ABHD12: variants seen among roughly 807,000 people sequenced by gnomAD.
ABHD12 encodes the protein lysophosphatidylserine lipase ABHD12.
Under a neutral mutation model 58.3 loss-of-function variants are expected in ABHD12, and 43 were observed. That is an observed-to-expected ratio of 0.74 (90% CI 0.58 to 0.95). The LOEUF (loss-of-function observed/expected upper bound fraction) is 0.95. ABHD12 is among the 40% of genes least tolerant of loss of function. The pLI, the probability that ABHD12 is intolerant of heterozygous loss-of-function variation, is 0.00. For missense variants in ABHD12, 539 were observed against 537.2 expected (o/e 1.00, Z -0.03); for synonymous variants, 219 against 211.2 (o/e 1.04, Z -0.32).
downstream of ABHD12, chr20:25,297,283 A>AAAAG (rs1491199954): frequency 2.0e-5 from 3 of 152,274 alleles, no homozygotes; most frequent in African/African-American, 7.2e-5. Flanking sequence ...TTGCTTATTC[A>AAAAG]AAAGAGAAAA....
intron 1 of ABHD12, chr20:25,368,208 G>A (rs1002048036): frequency 1.6e-6 from 2 of 1,242,880 alleles, no homozygotes; most frequent in East Asian, 2.3e-5. Context: ...AAATGGGGTG[G>A]AGGGGTGCTC....
chr20:25,346,255 T>A (rs568803679), intron 1 of ABHD12, among the ~76,000 whole-genome samples: 1 of 152,190 alleles, frequency 6.6e-6, no homozygotes, highest in South Asian at 2.1e-4. Context: ...TCCAACTATA[T>A]GACATTCTGT....
In ABHD12 at chr20:25,390,627, G is replaced by A; in HGVS notation, c.77C>T (p.Ala26Val). The change falls in exon 1 of 13, where the codon GCC (alanine) becomes GTC (valine). Residue 26 changes from alanine (A) to valine (V), a missense_variant. Physicochemically the swap from Ala to Val is moderately conservative, Grantham distance 64 (BLOSUM62 0). Transcript: ENST00000339157. ...AAAGSSSSGS[A>V]AAALDADCRL... ...GCAGTCGGCGTCCAGCGCCGCGGCG[G>A]CCGAGCCGGAGGAGGACGAGCCCGC... 6.9e-7 allele frequency: 1 copy of A among 1,458,980 alleles called. No individual in the cohort carries two copies. The highest frequency in any genetic ancestry group is 2.5e-5 in the Admixed American group (1 of 40,664). 90.4% of individuals were successfully genotyped at this position (1,458,980 alleles called of 1,614,324 possible). A position where few individuals can be genotyped will look rare whatever the true frequency, so the allele number is the denominator to read the frequency against.
At chr20:25,383,924 C>T (rs1260359790) in intron 1 of ABHD12, among the ~76,000 whole-genome samples, 1 of 136,068 alleles carries the variant, frequency 7.3e-6, no homozygotes, top group Non-Finnish European at 1.5e-5. Flanking sequence ...CACTGCCCTC[C>T]AGCCTGGGCA....
chr20:25,390,788 C>T lies in ABHD12; in HGVS notation c.-85G>A. On this transcript the variant is annotated 5_prime_UTR_variant, in exon 1 of 13. Coordinates refer to ENST00000339157, the MANE Select transcript of ABHD12 (RefSeq NM_001042472.3). Reference sequence around the variant, plus strand: ...GCTCACAGCCGCCGCCACCCAGAGCCCGGAGCCCGGAACCCGCCGCTCCTC... The same window carrying T: ...GCTCACAGCCGCCGCCACCCAGAGCTCGGAGCCCGGAACCCGCCGCTCCTC... 4.2e-6 allele frequency: 4 copies of T among 951,264 alleles called. No homozygotes were observed. The highest frequency in any genetic ancestry group is 4.4e-5 in the South Asian group (1 of 22,934). 58.9% of individuals were successfully genotyped at this position (951,264 alleles called of 1,614,324 possible). A position where few individuals can be genotyped will look rare whatever the true frequency, so the allele number is the denominator to read the frequency against.
At chr20:25,317,382 A>T (rs754084234) in intron 4 of ABHD12, among the ~76,000 whole-genome samples, 9 of 152,218 alleles carry the variant, frequency 5.9e-5, no homozygotes, top group Non-Finnish European at 1.2e-4. Context: ...ACCACACCCC[A>T]GACCCTCCCA....
intron 2 of ABHD12, among the ~76,000 whole-genome samples, chr20:25,329,093 G>C (rs907219005): frequency 6.6e-6 from 1 of 152,214 alleles, no homozygotes; most frequent in African/African-American, 2.4e-5. Flanking sequence ...AGGACCCTCT[G>C]GCCTCCCACG....
intron 1 of ABHD12, among the ~76,000 whole-genome samples, chr20:25,367,586 C>A (rs926686088): frequency 6.6e-6 from 1 of 152,220 alleles, no homozygotes; most frequent in African/African-American, 2.4e-5. Flanking sequence ...CTCCATCCCC[C>A]AGCCCATGGC....
chr20:25,378,932 G>A (rs528557520), intron 1 of ABHD12, among the ~76,000 whole-genome samples: 2 of 152,258 alleles, frequency 1.3e-5, no homozygotes, highest in Admixed American at 6.5e-5. Flanking sequence ...CTTATCACAA[G>A]TGAATGAGGC....
At chr20:25,338,427 G>A in intron 2 of ABHD12, among the ~76,000 whole-genome samples, 1 of 152,208 alleles carries the variant, frequency 6.6e-6, no homozygotes. Flanking sequence ...CCCACCGTGT[G>A]CGAGCCCCGT....
intron 1 of ABHD12, among the ~76,000 whole-genome samples, chr20:25,375,939 G>A (rs1008076817): frequency 6.6e-6 from 1 of 152,034 alleles, no homozygotes; most frequent in Admixed American, 6.6e-5. Flanking sequence ...TGGCTAACAC[G>A]GTGAAACCCC....
Position 25,323,388 on chromosome 20 carries a change from T to C in ABHD12, c.359A>G (p.Gln120Arg). Residue 120 changes from glutamine (Q) to arginine (R), a missense_variant, in exon 3 of 13, where the codon CAA becomes CGA. By Grantham distance (43) the Gln-to-Arg change is conservative. Coordinates refer to ENST00000339157, the MANE Select transcript of ABHD12 (RefSeq NM_001042472.3). ...YFIDLKKPQD[Q>R]GLNHTCNYYL... The stretch of plus-strand genomic sequence containing the variant: ...GTAGTTACACGTGTGATTCAAACCT[T>C]GATCCTGTGGTTTTTTCAAATCAAT... 6.2e-7 allele frequency: 1 copy of C among 1,614,070 alleles called. No homozygotes were observed. The highest frequency in any genetic ancestry group is 1.6e-4 in the Middle Eastern group (1 of 6,062).
At chr20:25,376,992 G>A (rs2089969837) in intron 1 of ABHD12, among the ~76,000 whole-genome samples, 1 of 152,200 alleles carries the variant, frequency 6.6e-6, no homozygotes, top group Admixed American at 6.5e-5. Flanking sequence ...GCCCCTCAGA[G>A]GCCGCCCTTC....
At chr20:25,363,725 C>T (rs2089783401) in intron 1 of ABHD12, among the ~76,000 whole-genome samples, 1 of 151,902 alleles carries the variant, frequency 6.6e-6, no homozygotes, top group Non-Finnish European at 1.5e-5. Context: ...ATTAGCTGGG[C>T]ATGGTGGCAC....
chr20:25,356,514 G>A (rs889080457), intron 1 of ABHD12, among the ~76,000 whole-genome samples: 4 of 152,230 alleles, frequency 2.6e-5, no homozygotes, highest in Non-Finnish European at 4.4e-5. Context: ...AGCTGGGCAG[G>A]GAGTGTGGCA....
chr20:25,325,260 G>C (rs1209683043), intron 2 of ABHD12, among the ~76,000 whole-genome samples: 3 of 150,398 alleles, frequency 2.0e-5, no homozygotes, highest in African/African-American at 7.3e-5. Flanking sequence ...CAGCCCGGCT[G>C]CACAGCCCTG....
At chr20:25,298,351 C>T (rs1178804585), downstream of ABHD12, among the ~76,000 whole-genome samples, 1 of 152,090 alleles carries the variant, frequency 6.6e-6, no homozygotes, top group Non-Finnish European at 1.5e-5. Context: ...CTGCAACCTC[C>T]GCCTCCTGGG....
At position 25,304,876 on chromosome 20, in the gene ABHD12, CT is replaced by C. The variant is rs1341605247; in HGVS notation, c.951-1249del. ...GCCACCACACCCAGTCACAACCTTGCTTTTTAAGAAGGAATCCAGTTCATTC... is the reference window on the plus strand; with the variant it reads ...GCCACCACACCCAGTCACAACCTTGCTTTTAAGAAGGAATCCAGTTCATTC... On this transcript the variant is annotated intron_variant, in intron 10 of 12. Coordinates refer to ENST00000339157, the MANE Select transcript of ABHD12 (RefSeq NM_001042472.3). Among the ~76,000 whole-genome samples, 4 of 151,990 alleles carry C rather than the reference CT, an allele frequency of 2.6e-5. No homozygotes were observed. The East Asian group carries it at 5.8e-4, about 22-fold the overall frequency.
At chr20:25,322,381 A>ATATATATATATATATATATATT in intron 3 of ABHD12, among the ~76,000 whole-genome samples, 6 of 59,258 alleles carry the variant, frequency 1.0e-4, no homozygotes, top group African/African-American at 5.0e-4. Flanking sequence ...ATATATATAT[A>ATATATATATATATATATATATT]TTTTTTTTTT....
Sources: gnomAD v4.1 joint callset for allele counts (sites outside exome capture counted in the v4.1 genomes callset) on GRCh38, gnomAD v4.1.1 for gene constraint, MANE v1.5 for transcripts, NCBI Gene and HGNC (gene_info 2026-07-23, HGNC 2026-07-21) for gene names.